Variants in SMYD3 observed in about 807,000 individuals in gnomAD.
SMYD3 encodes the protein SET and MYND domain containing 3.
Under a neutral mutation model 57.7 loss-of-function variants are expected in SMYD3, and 36 were observed. That is an observed-to-expected ratio of 0.62 (90% confidence interval 0.48 to 0.82). The LOEUF (loss-of-function observed/expected upper bound fraction) is 0.82, where lower values mean the gene tolerates loss of function less well. SMYD3 is among the 40% of genes least tolerant of loss of function. The probability of loss-of-function intolerance (pLI) is 0.00; values close to 1 mark genes in which losing one functional copy is unlikely to be tolerated. For missense variants in SMYD3, 515 were observed against 538.8 expected, an observed-to-expected ratio of 0.96 and a Z score of 0.44; for synonymous variants, 211 against 195.0, an observed-to-expected ratio of 1.08 and a Z score of -0.68.
intron 5 of SMYD3, among the ~76,000 whole-genome samples, chr1:246,216,239 A>G (rs2063161096): frequency 6.6e-6 from 1 of 151,018 alleles, no homozygotes; most frequent in Admixed American, 6.6e-5. Context: ...GTGAGCCGAG[A>G]TAGCGCCATG....
intron 10 of SMYD3, among the ~76,000 whole-genome samples, chr1:245,839,448 C>T (rs1013084645): frequency 5.3e-5 from 8 of 151,898 alleles, no homozygotes; most frequent in African/African-American, 1.2e-4. Flanking sequence ...GGATTACAGG[C>T]ATGAGCCACT....
chr1:245,978,418 A>G (rs1364258469), intron 5 of SMYD3, among the ~76,000 whole-genome samples: 2 of 152,226 alleles, frequency 1.3e-5, no homozygotes, highest in African/African-American at 2.4e-5. Context: ...CACAAAAAAT[A>G]AGTACAACAG....
At chr1:246,303,241 G>GTT (rs1314909027) in intron 5 of SMYD3, among the ~76,000 whole-genome samples, 1 of 152,146 alleles carries the variant, frequency 6.6e-6, no homozygotes, top group Non-Finnish European at 1.5e-5. Context: ...GAGTGCATGA[G>GTT]TTGATACTTA....
chr1:246,204,870 C>T (rs1386974858), intron 5 of SMYD3, among the ~76,000 whole-genome samples: 1 of 152,166 alleles, frequency 6.6e-6, no homozygotes, highest in Non-Finnish European at 1.5e-5. Flanking sequence ...CTCTTCAGGC[C>T]TTGACTCAGA....
chr1:246,152,344 G>C (rs1009819401), intron 5 of SMYD3, among the ~76,000 whole-genome samples: 3 of 152,208 alleles, frequency 2.0e-5, no homozygotes, highest in African/African-American at 7.2e-5. Context: ...AGGACACTCA[G>C]AACTGACTTG....
At chr1:246,245,788 T>C (rs1345767978) in intron 5 of SMYD3, among the ~76,000 whole-genome samples, 1 of 152,176 alleles carries the variant, frequency 6.6e-6, no homozygotes. Context: ...CTAAAGGCCT[T>C]GTTCATCAAG....
Position 246,352,136 on chromosome 1 carries a change from C to CAAAAAAA in SMYD3, c.228+2888_228+2894dup, listed in dbSNP as rs10581690. Among the ~76,000 whole-genome samples the CAAAAAAA allele has an allele frequency of 5.4e-3, 327 of 60,470 alleles. 6 individuals carry two copies. The highest frequency in any genetic ancestry group is 0.015 in the Middle Eastern group (1 of 66). The allele number at this position is 60,470 out of a possible 152,430, so 39.7% of individuals were successfully genotyped here. ...TGGGCAGCAGACTAAGACTCTGTCTCAAAAAAAAAAAAAAAAAAAAAAAAA... is the reference window on the plus strand; with the variant it reads ...TGGGCAGCAGACTAAGACTCTGTCTCAAAAAAAAAAAAAAAAAAAAAAAAAAAAAAAA... On this transcript the variant is annotated intron_variant, in intron 2 of 11. Coordinates refer to ENST00000490107, the MANE Select transcript of SMYD3 (RefSeq NM_001167740.2).
intron 10 of SMYD3, among the ~76,000 whole-genome samples, chr1:245,848,103 C>CCT (rs1553340348): frequency 1.4e-5 from 2 of 147,902 alleles, no homozygotes; most frequent in Non-Finnish European, 3.0e-5. Flanking sequence ...GAGATAAAGT[C>CCT]TTTTTTTTTT....
At chr1:246,060,094 C>T (rs1380188216) in intron 5 of SMYD3, among the ~76,000 whole-genome samples, 2 of 152,010 alleles carry the variant, frequency 1.3e-5, no homozygotes, top group Admixed American at 6.6e-5. Flanking sequence ...GATAGACCAG[C>T]CTGGGCAACA....
At chr1:246,505,111 GTATT>G (rs2068516261) in intron 1 of SMYD3, among the ~76,000 whole-genome samples, 2 of 152,196 alleles carry the variant, frequency 1.3e-5, no homozygotes, top group South Asian at 4.1e-4. Context: ...ATACTAGTAA[GTATT>G]TGTCAGTCAT....
intron 5 of SMYD3, among the ~76,000 whole-genome samples, chr1:246,290,379 T>C (rs999584140): frequency 2.7e-4 from 41 of 152,202 alleles, no homozygotes; most frequent in African/African-American, 9.9e-4. Context: ...AAAACCCTAG[T>C]AAAGCTATCA....
At chr1:246,206,649 T>C (rs774537549) in intron 5 of SMYD3, among the ~76,000 whole-genome samples, 16 of 152,126 alleles carry the variant, frequency 1.1e-4, no homozygotes, top group Admixed American at 7.2e-4. Context: ...TAAAGGCAAT[T>C]TGGGGACTGT....
At chr1:246,416,939 T>A (rs1439952605) in intron 1 of SMYD3, among the ~76,000 whole-genome samples, 1 of 152,122 alleles carries the variant, frequency 6.6e-6, no homozygotes, top group Non-Finnish European at 1.5e-5. Context: ...CAGGAAAGAT[T>A]AACCTGAGAA....
chr1:246,115,479 G>A (rs1287135059), intron 5 of SMYD3, among the ~76,000 whole-genome samples: 1 of 152,144 alleles, frequency 6.6e-6, no homozygotes, highest in Non-Finnish European at 1.5e-5. Context: ...ACTTCACTGT[G>A]TTACAGGGGG....
At chr1:245,862,282 A>T (rs1006368426) in intron 9 of SMYD3, among the ~76,000 whole-genome samples, 2 of 149,658 alleles carry the variant, frequency 1.3e-5, no homozygotes, top group Non-Finnish European at 3.0e-5. Flanking sequence ...TATAATCAAT[A>T]TTAATGCAGC....
intron 5 of SMYD3, among the ~76,000 whole-genome samples, chr1:246,196,247 T>C (rs1558307475): frequency 6.6e-6 from 1 of 152,184 alleles, no homozygotes; most frequent in Non-Finnish European, 1.5e-5. Context: ...TGTACAGTGC[T>C]TGTTATTAAC....
At chr1:245,768,437 T>A (rs2046206033) in intron 10 of SMYD3, among the ~76,000 whole-genome samples, 1 of 152,218 alleles carries the variant, frequency 6.6e-6, no homozygotes, top group African/African-American at 2.4e-5. Flanking sequence ...AGGATCTCTA[T>A]CAGTCTGGCT....
chr1:246,011,419 A>C (rs2059279623), intron 5 of SMYD3, among the ~76,000 whole-genome samples: 1 of 152,238 alleles, frequency 6.6e-6, no homozygotes, highest in African/African-American at 2.4e-5. Flanking sequence ...GCATGGTCAG[A>C]AAGTGAACAT....
chr1:246,437,577 T>C (rs1160941122), intron 1 of SMYD3, among the ~76,000 whole-genome samples: 1 of 152,248 alleles, frequency 6.6e-6, no homozygotes, highest in Non-Finnish European at 1.5e-5. Flanking sequence ...GTCTTGCTTT[T>C]AAGATTAGAA....
Sources: allele counts gnomAD v4.1 joint callset (sites outside exome capture counted in the v4.1 genomes callset), GRCh38; gene constraint gnomAD v4.1.1; transcripts MANE v1.5; gene names NCBI Gene and HGNC (gene_info 2026-07-23, HGNC 2026-07-21).